The following FEZ2 variants were observed in gnomAD, a reference collection of about 807,000 sequenced individuals.
The protein encoded by FEZ2 is fasciculation and elongation protein zeta-2.
In FEZ2, 51 loss-of-function variants were observed where a neutral mutation model predicts 40.4. The observed-to-expected ratio is 1.26, with a 90% CI of 1.01 to 1.59. The LOEUF is 1.59. Ranked by LOEUF, FEZ2 falls within the 40% of genes most tolerant of loss-of-function variation. The pLI is 0.00. For missense variants in FEZ2, 640 were observed against 438.3 expected (o/e 1.46, Z -4.11); for synonymous variants, 242 against 172.0 (o/e 1.41, Z -3.18).
At chr2:36,593,247 G>T (rs2372604) in intron 1 of FEZ2, among the ~76,000 whole-genome samples, 65,071 of 151,740 alleles carry the variant, frequency 0.43, 14,874 homozygotes, top group East Asian at 0.73. Context: ...CAAGAGAAAA[G>T]GAGGAAGATG....
intron 5 of FEZ2, among the ~76,000 whole-genome samples, chr2:36,560,000 C>G (rs1024434168): frequency 6.6e-6 from 1 of 152,200 alleles, no homozygotes; most frequent in African/African-American, 2.4e-5. Flanking sequence ...CGTTCTTTTG[C>G]TAAACTTCCT....
At chr2:36,589,124 A>G (rs760700486) in intron 2 of FEZ2, among the ~76,000 whole-genome samples, 2 of 152,218 alleles carry the variant, frequency 1.3e-5, no homozygotes, top group Non-Finnish European at 2.9e-5. Context: ...CAAACTTACT[A>G]TGTGCCAGGA....
intron 2 of FEZ2, among the ~76,000 whole-genome samples, chr2:36,588,506 G>A (rs1355084124): frequency 1.3e-5 from 2 of 152,118 alleles, no homozygotes; most frequent in African/African-American, 4.8e-5. Flanking sequence ...CGGTATCCAA[G>A]GGAAATTTGT....
intron 6 of FEZ2, 76 bp downstream of exon 6, chr2:36,558,362 A>C (rs1328253199): frequency 1.2e-6 from 1 of 851,970 alleles, no homozygotes; most frequent in Non-Finnish European, 1.8e-6. Context: ...TAACAACAAA[A>C]TCAGCCAACT....
At chr2:36,578,029 T>G (rs142895050) in intron 5 of FEZ2, among the ~76,000 whole-genome samples, 2 of 152,344 alleles carry the variant, frequency 1.3e-5, no homozygotes, top group South Asian at 4.1e-4. Context: ...GTTCTAAACT[T>G]GTTTTCACCA....
At chr2:36,573,842 T>C (rs1668488939) in intron 5 of FEZ2, among the ~76,000 whole-genome samples, 1 of 152,270 alleles carries the variant, frequency 6.6e-6, no homozygotes, top group Non-Finnish European at 1.5e-5. Context: ...TCAAAAGCTC[T>C]TAATATCTCC....
chr2:36,567,956 A>T (rs1668295269), intron 5 of FEZ2, among the ~76,000 whole-genome samples: 1 of 151,940 alleles, frequency 6.6e-6, no homozygotes, highest in Non-Finnish European at 1.5e-5. Flanking sequence ...AAAATAACAC[A>T]CCCTTTTGGA....
rs1215616393 is a variant in FEZ2, at chr2:36,581,387, T to C, written c.537A>G (p.Pro179=). Residue 179 remains proline, a synonymous_variant, in exon 4 of 8, where the codon CCA becomes CCG. Coordinates refer to ENST00000405912, the MANE Select transcript of FEZ2 (RefSeq NM_005102.3). ...IEEMMQESPD[P]EDDETPTQSD... ...ACTGTGTAGGGGTTTCATCATCTTC[T>C]GGGTCCGGTGATTCCTGCATCATTT... 5 of 1,613,438 alleles carry C rather than the reference T, an allele frequency of 3.1e-6. No individual in the cohort carries two copies. In the African/African-American group the frequency reaches 4.0e-5, roughly 13 times the overall value.
At chr2:36,565,675 G>C (rs1359036137) in intron 5 of FEZ2, among the ~76,000 whole-genome samples, 2 of 152,148 alleles carry the variant, frequency 1.3e-5, no homozygotes, top group African/African-American at 4.8e-5. Context: ...CCACAGAACA[G>C]AGCCAGGCTC....
intron 5 of FEZ2, among the ~76,000 whole-genome samples, chr2:36,576,239 G>C (rs772241412): frequency 2.0e-5 from 3 of 151,822 alleles, no homozygotes; most frequent in South Asian, 2.1e-4. Context: ...TTGTGTCACA[G>C]ATAGGAAGGT....
chr2:36,581,576 T>C (rs1056962320), intron 3 of FEZ2, 145 bp from the exon 4 acceptor site: 8 of 664,732 alleles, frequency 1.2e-5, no homozygotes, highest in South Asian at 2.1e-5. Context: ...ATGCTCCAAA[T>C]AATCAAAATT....
chr2:36,597,927 C>A lies in FEZ2; in HGVS notation c.216G>T (p.Pro72=). The A allele has an allele frequency of 7.0e-7, 1 of 1,435,712 alleles. No individual in the cohort carries two copies. The highest frequency in any genetic ancestry group is 9.1e-7 in the Non-Finnish European group (1 of 1,101,620). The allele number at this position is 1,435,712 out of a possible 1,614,324, so 88.9% of individuals were successfully genotyped here. The change falls in exon 1 of 8, where the codon CCG becomes CCT. Residue 72 remains proline, a synonymous_variant. Transcript: ENST00000405912. Reference sequence around the variant, plus strand: ...CCGTGATGGGCCGCACGGCCGTCCTCGGGGGCTCGGCGCCCGGATCCGAGG... The same window carrying A: ...CCGTGATGGGCCGCACGGCCGTCCTAGGGGGCTCGGCGCCCGGATCCGAGG... ...FRPSDPGAEP[P]RTAVRPITER...
intron 5 of FEZ2, among the ~76,000 whole-genome samples, chr2:36,569,477 C>T (rs1668344988): frequency 6.6e-6 from 1 of 152,118 alleles, no homozygotes; most frequent in African/African-American, 2.4e-5. Context: ...AGCAAAAAAG[C>T]TTAAACAGAA....
At chr2:36,572,230 G>C (rs1444298725) in intron 5 of FEZ2, among the ~76,000 whole-genome samples, 2 of 152,092 alleles carry the variant, frequency 1.3e-5, no homozygotes, top group East Asian at 1.9e-4. Flanking sequence ...ACAGCACAGA[G>C]GTCTGCTGTT....
intron 5 of FEZ2, among the ~76,000 whole-genome samples, chr2:36,568,515 T>C (rs1558446387): frequency 6.6e-6 from 1 of 152,212 alleles, no homozygotes; most frequent in Admixed American, 6.5e-5. Context: ...AGTGAAGAAC[T>C]GGTGAAAATT....
intron 5 of FEZ2, among the ~76,000 whole-genome samples, chr2:36,561,079 T>C (rs75497421): frequency 0.019 from 2,841 of 152,372 alleles, 96 homozygotes; most frequent in African/African-American, 0.065. Context: ...ACTGTTTTTA[T>C]GCTACTATAT....
intron 5 of FEZ2, chr2:36,558,914 A>C (rs1668024502): frequency 6.5e-6 from 1 of 153,248 alleles, no homozygotes; most frequent in South Asian, 2.1e-4. Context: ...ACAGTTCTGC[A>C]CAATAAAGTA....
chr2:36,582,148 G>A (rs1668767689), intron 3 of FEZ2, among the ~76,000 whole-genome samples: 1 of 151,706 alleles, frequency 6.6e-6, no homozygotes, highest in African/African-American at 2.4e-5. Context: ...TCTAAAAGTT[G>A]AGAAGGATAT....
At chr2:36,575,988 T>C (rs574368314) in intron 5 of FEZ2, among the ~76,000 whole-genome samples, 199 of 152,336 alleles carry the variant, frequency 1.3e-3, no homozygotes, top group African/African-American at 4.3e-3. Flanking sequence ...AAAAGTGACT[T>C]ATGTTATTGG....
Sources: gnomAD v4.1 joint callset for allele counts (sites outside exome capture counted in the v4.1 genomes callset) on GRCh38, gnomAD v4.1.1 for gene constraint, MANE v1.5 for transcripts, NCBI Gene and HGNC (gene_info 2026-07-23, HGNC 2026-07-21) for gene names.